TRHDE: variants seen among roughly 807,000 people sequenced by gnomAD.
TRHDE encodes thyrotropin-releasing hormone-degrading ectoenzyme.
In TRHDE, 72 loss-of-function variants were observed where a neutral mutation model predicts 125.7. The observed-to-expected ratio is 0.57, with a 90% CI of 0.47 to 0.70. The LOEUF (loss-of-function observed/expected upper bound fraction) is 0.70, where lower values mean the gene tolerates loss of function less well. Among genes scored for constraint, TRHDE ranks in the 30% least tolerant of loss-of-function variants. The pLI is 0.00. For synonymous variants in TRHDE, 509 were observed against 509.1 expected (o/e 1.00, Z 0.00); for missense variants, 1,110 against 1,327.1 (o/e 0.84, Z 2.54).
At chr12:72,595,180 G>A (rs1871881128) in intron 12 of TRHDE, among the ~76,000 whole-genome samples, 1 of 150,244 alleles carries the variant, frequency 6.7e-6, no homozygotes, top group Middle Eastern at 3.4e-3. Context: ...GAGTTAATGG[G>A]TGCAGCACAC....
At chr12:72,481,721 A>G (rs922289659) in intron 5 of TRHDE, among the ~76,000 whole-genome samples, 7 of 151,942 alleles carry the variant, frequency 4.6e-5, no homozygotes, top group Non-Finnish European at 1.0e-4. Flanking sequence ...ACCATTCACA[A>G]ACTTGAGTGA....
At chr12:72,340,746 C>T (rs1220207241) in intron 2 of TRHDE, among the ~76,000 whole-genome samples, 1 of 152,094 alleles carries the variant, frequency 6.6e-6, no homozygotes, top group Non-Finnish European at 1.5e-5. Flanking sequence ...AAGGATACTT[C>T]CCAGAGTTGT....
chr12:72,520,236 C>G (rs1347606281), intron 6 of TRHDE, among the ~76,000 whole-genome samples: 2 of 152,222 alleles, frequency 1.3e-5, no homozygotes, highest in African/African-American at 4.8e-5. Context: ...GCCCCTCCCC[C>G]AGTCTCGCTG....
intron 3 of TRHDE, among the ~76,000 whole-genome samples, chr12:72,413,623 A>G (rs1374389135): frequency 1.3e-5 from 2 of 151,972 alleles, no homozygotes; most frequent in East Asian, 1.9e-4. Flanking sequence ...AGCCTATTTT[A>G]TAGATAAAAA....
chr12:72,275,286 T>G (rs922625431), intron 1 of TRHDE, among the ~76,000 whole-genome samples: 2 of 152,208 alleles, frequency 1.3e-5, no homozygotes, highest in African/African-American at 4.8e-5. Flanking sequence ...AAGCAAAAGT[T>G]TTATTATTTA....
intron 2 of TRHDE, among the ~76,000 whole-genome samples, chr12:72,133,401 T>G (rs565837365): frequency 6.6e-6 from 1 of 152,230 alleles, no homozygotes; most frequent in African/African-American, 2.4e-5. Flanking sequence ...GAGATTGCTG[T>G]GTCGGGTAGA....
At chr12:72,525,634 T>TGA (rs1204575457) in intron 6 of TRHDE, among the ~76,000 whole-genome samples, 14 of 98,936 alleles carry the variant, frequency 1.4e-4, no homozygotes, top group South Asian at 3.8e-4. Flanking sequence ...TGTGTGTGTG[T>TGA]GAGAGAGAGA....
chr12:72,534,838 G>A (rs1484229381), intron 6 of TRHDE, among the ~76,000 whole-genome samples: 1 of 151,638 alleles, frequency 6.6e-6, no homozygotes, highest in African/African-American at 2.4e-5. Context: ...GATTAACATT[G>A]CAACTGATAT....
Position 72,115,603 on chromosome 12 carries a change from T to C in TRHDE, n.279+9851T>C, listed in dbSNP as rs535902110. 5.3e-5 allele frequency among the ~76,000 whole-genome samples: 8 copies of C among 152,258 alleles called. No individual in the cohort carries two copies. The East Asian group carries it at 1.5e-3, about 29-fold the overall frequency. ...CCGAATCATATGGTAGCTCTATTTT[T>C]AGTTCTTTGAGAAATCTCCAAAATG... is the stretch of plus-strand genomic sequence containing the variant. On this transcript the variant is annotated intron_variant and non_coding_transcript_variant, in intron 2 of 4. Transcript: ENST00000548156.
intron 2 of TRHDE, among the ~76,000 whole-genome samples, chr12:72,324,757 T>C (rs1869260524): frequency 6.6e-6 from 1 of 152,170 alleles, no homozygotes; most frequent in Non-Finnish European, 1.5e-5. Flanking sequence ...TATTTTCCCT[T>C]TCGAATCTTT....
intron 6 of TRHDE, among the ~76,000 whole-genome samples, chr12:72,530,229 C>A (rs190064674): frequency 6.6e-6 from 1 of 152,170 alleles, no homozygotes; most frequent in Non-Finnish European, 1.5e-5. Context: ...TCTCTCTTCT[C>A]TTTTTCTTTT....
chr12:72,257,958 G>C (rs1048381712), intron 2 of TRHDE: 1 of 152,110 alleles, frequency 6.6e-6, no homozygotes, highest in African/African-American at 2.4e-5. Context: ...AGTTTAAATA[G>C]TTGGTCCAAA....
chr12:72,508,890 C>G (rs1878467126), intron 6 of TRHDE, among the ~76,000 whole-genome samples: 1 of 152,134 alleles, frequency 6.6e-6, no homozygotes, highest in African/African-American at 2.4e-5. Context: ...GCACCTCCCC[C>G]TGCTCTTTTC....
chr12:72,541,862 G>A (rs1869164839), intron 6 of TRHDE, among the ~76,000 whole-genome samples: 1 of 151,284 alleles, frequency 6.6e-6, no homozygotes, highest in Admixed American at 6.6e-5. Flanking sequence ...TCTTGGTTAA[G>A]GAGTACATTC....
At chr12:72,100,429 G>A (rs984386301) in intron 1 of TRHDE, among the ~76,000 whole-genome samples, 8 of 152,208 alleles carry the variant, frequency 5.3e-5, no homozygotes, top group South Asian at 2.1e-4. Context: ...AACACTTAAC[G>A]AAAAGCCAAC....
intron 15 of TRHDE, among the ~76,000 whole-genome samples, chr12:72,635,309 A>G (rs565027966): frequency 6.0e-4 from 91 of 152,266 alleles, no homozygotes; most frequent in African/African-American, 2.0e-3. Flanking sequence ...TCTTTTGAGA[A>G]GTGTCTGTTC....
chr12:72,353,275 C>T (rs1224292214), intron 2 of TRHDE, among the ~76,000 whole-genome samples: 2 of 151,594 alleles, frequency 1.3e-5, no homozygotes, highest in Non-Finnish European at 3.0e-5. Flanking sequence ...TGTGATCACT[C>T]ATTCACTTAT....
At chr12:72,197,147 A>G (rs939824669) in intron 2 of TRHDE, among the ~76,000 whole-genome samples, 2 of 152,108 alleles carry the variant, frequency 1.3e-5, no homozygotes, top group Non-Finnish European at 2.9e-5. Context: ...CTGCTGTGCC[A>G]TCACAATTTC....
At chr12:72,484,173 C>T (rs750648577) in intron 5 of TRHDE, among the ~76,000 whole-genome samples, 2 of 152,006 alleles carry the variant, frequency 1.3e-5, no homozygotes, top group Admixed American at 6.6e-5. Context: ...TGCCTTAATT[C>T]TCTCAAGTGT....
Sources: allele counts gnomAD v4.1 joint callset (sites outside exome capture counted in the v4.1 genomes callset), GRCh38; gene constraint gnomAD v4.1.1; transcripts MANE v1.5; gene names NCBI Gene and HGNC (gene_info 2026-07-23, HGNC 2026-07-21).